The following ELMO1 variants were observed in gnomAD, a reference collection of about 807,000 sequenced individuals.
ELMO1 encodes the protein engulfment and cell motility 1.
In ELMO1, 26 loss-of-function variants were observed where a neutral mutation model predicts 98.9. The observed-to-expected ratio is 0.26, with a 90% confidence interval of 0.19 to 0.36. The LOEUF (loss-of-function observed/expected upper bound fraction) is 0.36, where lower values mean the gene tolerates loss of function less well. Ranked by LOEUF, ELMO1 falls within the 10% of genes least tolerant of loss-of-function variation. ELMO1 has a pLI of 1.00. For synonymous variants in ELMO1, 346 were observed against 346.0 expected (o/e 1.00, Z 0.00); for missense variants, 627 against 935.2 (o/e 0.67, Z 4.30).
chr7:37,165,209 T>G (rs1789573761), intron 13 of ELMO1, among the ~76,000 whole-genome samples: 1 of 152,238 alleles, frequency 6.6e-6, no homozygotes, highest in Non-Finnish European at 1.5e-5. Context: ...TCTGCTGAAG[T>G]TGCTTATCAG....
At chr7:36,899,624 C>CT (rs1429314937) in intron 16 of ELMO1, among the ~76,000 whole-genome samples, 1 of 141,208 alleles carries the variant, frequency 7.1e-6, no homozygotes, top group East Asian at 2.1e-4. Flanking sequence ...TTTCCTGGGG[C>CT]TTTGACCTTC....
rs367562537 is a variant in ELMO1, at chr7:37,139,401, A to T, written c.1087-6167T>A. On this transcript the variant is annotated intron_variant, in intron 13 of 21. Transcript: ENST00000310758. ...TAGGATACAAAATTAATGTATGCCAATCAGTAGCTCTGCTATATACCAACA... is the reference window on the plus strand; with the variant it reads ...TAGGATACAAAATTAATGTATGCCATTCAGTAGCTCTGCTATATACCAACA... 1.3e-4 allele frequency among the ~76,000 whole-genome samples: 20 copies of T among 152,246 alleles called. No individual in the cohort carries two copies. In the East Asian group the frequency reaches 2.1e-3, roughly 16 times the overall value.
At chr7:37,447,697 ACG>A (rs1805686833) in intron 1 of ELMO1, among the ~76,000 whole-genome samples, 2 of 140,102 alleles carry the variant, frequency 1.4e-5, no homozygotes, top group Admixed American at 7.0e-5. Flanking sequence ...ACACATACAT[ACG>A]CGCGCGCGCA....
At chr7:37,443,396 T>C (rs1183752216) in intron 1 of ELMO1, among the ~76,000 whole-genome samples, 3 of 152,244 alleles carry the variant, frequency 2.0e-5, no homozygotes, top group Non-Finnish European at 2.9e-5. Context: ...CCCGGAACAC[T>C]GAGAATCGTC....
At chr7:37,033,040 T>C (rs1322089993) in intron 15 of ELMO1, among the ~76,000 whole-genome samples, 1 of 152,208 alleles carries the variant, frequency 6.6e-6, no homozygotes, top group Non-Finnish European at 1.5e-5. Context: ...AAAATCATAT[T>C]TCTGAATGTG....
chr7:36,895,979 A>G (rs1396839242), intron 16 of ELMO1, among the ~76,000 whole-genome samples: 2 of 152,234 alleles, frequency 1.3e-5, no homozygotes, highest in Non-Finnish European at 2.9e-5. Flanking sequence ...TTGAAACTTT[A>G]AGAAACTTCA....
At chr7:37,294,385 C>G (rs1200189362) in intron 4 of ELMO1, among the ~76,000 whole-genome samples, 1 of 151,776 alleles carries the variant, frequency 6.6e-6, no homozygotes, top group East Asian at 1.9e-4. Context: ...CAGGAGAAGT[C>G]CCATGGTGTC....
At chr7:37,105,403 G>A (rs4723612) in intron 14 of ELMO1, among the ~76,000 whole-genome samples, 146,489 of 152,320 alleles carry the variant, frequency 0.96, 70,496 homozygotes, top group East Asian at 1. Context: ...ATGCCAGTAC[G>A]TGTGTTCCTG....
intron 16 of ELMO1, among the ~76,000 whole-genome samples, chr7:36,978,193 C>T (rs540852704): frequency 6.6e-6 from 1 of 152,128 alleles, no homozygotes; most frequent in Non-Finnish European, 1.5e-5. Flanking sequence ...AATAAGGTAA[C>T]TGCATGCTAC....
intron 6 of ELMO1, among the ~76,000 whole-genome samples, chr7:37,257,826 C>A (rs1038678720): frequency 6.6e-6 from 1 of 151,756 alleles, no homozygotes; most frequent in African/African-American, 2.4e-5. Flanking sequence ...TGGTGAAACC[C>A]TGTCTCTACT....
intron 13 of ELMO1, among the ~76,000 whole-genome samples, chr7:37,145,433 C>T (rs1787921585): frequency 6.6e-6 from 1 of 152,222 alleles, no homozygotes; most frequent in Admixed American, 6.5e-5. Flanking sequence ...CCCCTTTATT[C>T]AGAAACAGGA....
Position 36,870,547 on chromosome 7 carries a change from T to A in ELMO1, c.1823-72A>T. Reference sequence around the variant, plus strand: ...TTTGATGTCAATAAAGAAACAGGACTAAGCACTGGGTCCGCTACTGTGGTT... The same window carrying A: ...TTTGATGTCAATAAAGAAACAGGACAAAGCACTGGGTCCGCTACTGTGGTT... On this transcript the variant is annotated intron_variant, in intron 19 of 21. Coordinates refer to ENST00000310758, the MANE Select transcript of ELMO1 (RefSeq NM_014800.11). The surrounding 1 kb of genome is among the most constrained non-coding windows in gnomAD (Gnocchi z 4.4). 2 of 1,441,596 alleles carry A rather than the reference T, an allele frequency of 1.4e-6. No individual in the cohort carries two copies. Among genetic ancestry groups the A allele is most frequent in the Non-Finnish European group, 1.9e-6 (2 of 1,039,554 alleles). 89.3% of individuals were successfully genotyped at this position (1,441,596 alleles called of 1,614,324 possible). A position where few individuals can be genotyped will look rare whatever the true frequency, so the allele number is the denominator to read the frequency against.
At chr7:37,249,118 A>T (rs1045634596) in intron 6 of ELMO1, among the ~76,000 whole-genome samples, 1 of 152,202 alleles carries the variant, frequency 6.6e-6, no homozygotes, top group Non-Finnish European at 1.5e-5. Context: ...GGAACATCAA[A>T]ACAAAGTGTA....
At chr7:36,969,531 C>A (rs556263661) in intron 16 of ELMO1, among the ~76,000 whole-genome samples, 25 of 152,148 alleles carry the variant, frequency 1.6e-4, no homozygotes, top group Admixed American at 7.9e-4. Flanking sequence ...TGCTTCCCCC[C>A]ACTTGCATCA....
chr7:37,292,642 G>A (rs1215533936), intron 4 of ELMO1, among the ~76,000 whole-genome samples: 1 of 113,516 alleles, frequency 8.8e-6, no homozygotes, highest in East Asian at 2.2e-4. Context: ...TGGACGCCCC[G>A]TCTGAGAAGT....
intron 15 of ELMO1, among the ~76,000 whole-genome samples, chr7:37,073,589 T>C (rs1797397249): frequency 6.6e-6 from 1 of 151,512 alleles, no homozygotes; most frequent in South Asian, 2.1e-4. Flanking sequence ...TGTGTGTGTG[T>C]GTGTGCATGT....
At chr7:37,249,146 C>T (rs1301403365) in intron 6 of ELMO1, among the ~76,000 whole-genome samples, 1 of 152,188 alleles carries the variant, frequency 6.6e-6, no homozygotes, top group Non-Finnish European at 1.5e-5. Context: ...AGCTATACCT[C>T]AGTTTTCACA....
At chr7:37,423,250 T>G (rs1179225134) in intron 1 of ELMO1, among the ~76,000 whole-genome samples, 2 of 152,218 alleles carry the variant, frequency 1.3e-5, no homozygotes, top group Admixed American at 6.5e-5. Context: ...CTGTGTCTCT[T>G]TACCTAATGT....
intron 9 of ELMO1, among the ~76,000 whole-genome samples, chr7:37,223,537 T>C (rs1216005531): frequency 1.3e-5 from 2 of 152,226 alleles, no homozygotes; most frequent in African/African-American, 4.8e-5. Flanking sequence ...AGATTATGCA[T>C]GTAAAATCCT....
Sources: allele counts gnomAD v4.1 joint callset (sites outside exome capture counted in the v4.1 genomes callset), GRCh38; gene constraint gnomAD v4.1.1; non-coding constraint Gnocchi (gnomAD v3.1); transcripts MANE v1.5; gene names NCBI Gene and HGNC (gene_info 2026-07-23, HGNC 2026-07-21).